Variants in ITPR2 observed in about 807,000 individuals in gnomAD.
ITPR2 encodes the protein inositol 1,4,5-trisphosphate receptor type 2.
ITPR2 carries 207 observed loss-of-function variants against 317.1 expected under a neutral mutation model. The ratio of observed to expected loss-of-function variants is 0.65; its 90% CI spans 0.58 to 0.73. The LOEUF (loss-of-function observed/expected upper bound fraction) is 0.73. ITPR2 is among the 30% of genes least tolerant of loss of function. ITPR2 has a pLI of 0.00. For synonymous variants in ITPR2, 1,156 were observed against 1,149.1 expected (o/e 1.01, Z -0.12); for missense variants, 2,613 against 3,284.0 (o/e 0.80, Z 4.99).
intron 55 of ITPR2, among the ~76,000 whole-genome samples, chr12:26,381,833 C>A (rs1465462758): frequency 6.6e-6 from 1 of 152,190 alleles, no homozygotes; most frequent in African/African-American, 2.4e-5. Flanking sequence ...GGCAGCAGCT[C>A]TCCAGACACG....
chr12:26,710,161 G>C (rs559009922), intron 9 of ITPR2, among the ~76,000 whole-genome samples: 85 of 152,180 alleles, frequency 5.6e-4, no homozygotes, highest in Middle Eastern at 3.2e-3. Context: ...TTGAACCTGG[G>C]AGGCATAGGT....
rs562513846 is a variant in ITPR2 at position 26,699,178 on chromosome 12, A to C, written c.952-3528T>G. Among the ~76,000 whole-genome samples, 39 of 152,158 alleles carry C rather than the reference A, an allele frequency of 2.6e-4. No homozygotes were observed. In the South Asian group the frequency reaches 7.9e-3, roughly 31 times the overall value. ...GGAAACCATGACATATCCCCCACTA[A>C]AACATGCACAAAAACAGGAATTAAT... On this transcript the variant is annotated intron_variant, in intron 9 of 56. Transcript: ENST00000381340.
chr12:26,553,452 T>C (rs1280925521), intron 36 of ITPR2, among the ~76,000 whole-genome samples: 3 of 152,098 alleles, frequency 2.0e-5, no homozygotes, highest in Admixed American at 2.0e-4. Context: ...AAATTTATAT[T>C]CTCCAGCTAA....
At chr12:26,578,221 G>A (rs1945320314) in intron 34 of ITPR2, among the ~76,000 whole-genome samples, 1 of 149,864 alleles carries the variant, frequency 6.7e-6, no homozygotes, top group Admixed American at 6.7e-5. Flanking sequence ...ACACAGAGAA[G>A]AATCTATGAG....
chr12:26,732,870 C>T (rs533122048), intron 2 of ITPR2, among the ~76,000 whole-genome samples: 2 of 152,314 alleles, frequency 1.3e-5, no homozygotes, highest in East Asian at 3.9e-4. Flanking sequence ...TCTGACTTCT[C>T]CACCCCAACT....
intron 1 of ITPR2, among the ~76,000 whole-genome samples, chr12:26,812,511 G>A (rs970139177): frequency 5.3e-5 from 8 of 152,194 alleles, no homozygotes; most frequent in African/African-American, 1.9e-4. Flanking sequence ...CCCGTGAGGC[G>A]GAGCTTGCAG....
rs529393119 is a variant in ITPR2 at position 26,339,096 on chromosome 12, C to T, written c.*301G>A. 7.9e-5 allele frequency: 22 copies of T among 278,814 alleles called. No homozygotes were observed. In the South Asian group the frequency reaches 1.2e-3, roughly 15 times the overall value. The allele number at this position is 278,814 out of a possible 1,614,324, so 17.3% of individuals were successfully genotyped here. A position where few individuals can be genotyped will look rare whatever the true frequency, so the allele number is the denominator to read the frequency against. ...TAGCAGAAGAGAGTTCTCCCTGCCC[C>T]GTGTCTCCTTCCATCCTGCCGCTCC... On this transcript the variant is annotated 3_prime_UTR_variant, in exon 57 of 57. Coordinates refer to ENST00000381340, the MANE Select transcript of ITPR2 (RefSeq NM_002223.4).
intron 45 of ITPR2, among the ~76,000 whole-genome samples, chr12:26,470,393 T>A (rs1435245550): frequency 1.3e-5 from 2 of 152,116 alleles, no homozygotes; most frequent in African/African-American, 4.8e-5. Context: ...TCTGAAAACA[T>A]AAAAGCCAGT....
intron 45 of ITPR2, among the ~76,000 whole-genome samples, chr12:26,449,278 T>C (rs1039088976): frequency 6.6e-6 from 1 of 152,196 alleles, no homozygotes; most frequent in East Asian, 1.9e-4. Flanking sequence ...TACAATACAA[T>C]GCCTTCATGT....
At chr12:26,700,916 T>C (rs567761800) in intron 9 of ITPR2, among the ~76,000 whole-genome samples, 3 of 152,290 alleles carry the variant, frequency 2.0e-5, no homozygotes, top group East Asian at 3.9e-4. Context: ...CTCAAGTCTT[T>C]AACTATGAAC....
intron 2 of ITPR2, among the ~76,000 whole-genome samples, chr12:26,754,574 T>C (rs1428173828): frequency 2.6e-5 from 4 of 152,230 alleles, no homozygotes; most frequent in African/African-American, 9.6e-5. Flanking sequence ...TGGTAAAAGA[T>C]TATAAGAAGC....
intron 40 of ITPR2, chr12:26,486,759 T>C: frequency 1.7e-6 from 1 of 575,296 alleles, no homozygotes; most frequent in Non-Finnish European, 3.3e-6. Flanking sequence ...TGGTAATTTC[T>C]GTTTTTAAAG....
chr12:26,782,787 TTAG>T (rs1158287874), intron 2 of ITPR2, among the ~76,000 whole-genome samples: 1 of 152,242 alleles, frequency 6.6e-6, no homozygotes, highest in Non-Finnish European at 1.5e-5. Flanking sequence ...TCAATAAATC[TTAG>T]TTGATTTCAA....
At chr12:26,524,924 C>T (rs2136947163) in intron 37 of ITPR2, among the ~76,000 whole-genome samples, 1 of 151,976 alleles carries the variant, frequency 6.6e-6, no homozygotes, top group African/African-American at 2.4e-5. Context: ...TCATGTGACT[C>T]AAAAAATTAT....
rs1335079794 is a variant in ITPR2 at position 26,600,076 on chromosome 12, C to T, written c.3712G>A (p.Ala1238Thr). The change falls in exon 29 of 57, where the codon GCC (alanine) becomes ACC (threonine). Residue 1238 changes from alanine to threonine, a missense_variant. Transcript: ENST00000381340. The stretch of plus-strand genomic sequence containing the variant: ...CAGAAATTCTGCAGAAATGTATGGG[C>T]TAGATTCATTACTTCATTCATCTTT... Reference protein sequence around the residue: ...DEKMNEVMNLAHTFLQNFCRG... With the variant: ...DEKMNEVMNLTHTFLQNFCRG... 2.5e-6 allele frequency: 4 copies of T among 1,605,636 alleles called. No individual in the cohort carries two copies. Among genetic ancestry groups the T allele is most frequent in the Non-Finnish European group, 3.4e-6 (4 of 1,172,826 alleles).
intron 2 of ITPR2, among the ~76,000 whole-genome samples, chr12:26,732,772 C>T (rs539816577): frequency 2.6e-5 from 4 of 152,110 alleles, no homozygotes; most frequent in Non-Finnish European, 5.9e-5. Flanking sequence ...AAATGCTGTT[C>T]GTAATTCTAC....
intron 11 of ITPR2, among the ~76,000 whole-genome samples, chr12:26,684,928 T>C (rs1366051928): frequency 1.3e-5 from 2 of 151,970 alleles, no homozygotes; most frequent in South Asian, 2.1e-4. Flanking sequence ...TACAGGCTTA[T>C]ATTGATGGAA....
At chr12:26,815,293 C>T (rs1216047451) in intron 1 of ITPR2, among the ~76,000 whole-genome samples, 1 of 152,114 alleles carries the variant, frequency 6.6e-6, no homozygotes, top group Admixed American at 6.5e-5. Context: ...GATTGTGCCA[C>T]TGCACTCTAG....
At position 26,831,366 on chromosome 12, in the gene ITPR2, G is replaced by C. The variant is rs1011793343; in HGVS notation, c.92+1324C>G. On this transcript the variant is annotated intron_variant, in intron 1 of 56. Transcript: ENST00000381340. This position sits in a 1 kb window ranked among gnomAD's most constrained non-coding sequence, Gnocchi z 4.9. ...CTGTGGAAGTACTGGTGACTTCCACGTCCCAGTGCTTGGTAGGCAGCAGTC... is the reference window on the plus strand; with the variant it reads ...CTGTGGAAGTACTGGTGACTTCCACCTCCCAGTGCTTGGTAGGCAGCAGTC... 1.3e-5 allele frequency among the ~76,000 whole-genome samples: 2 copies of C among 152,090 alleles called. No homozygotes were observed. The highest frequency in any genetic ancestry group is 4.8e-5 in the African/African-American group (2 of 41,402).
Sources: allele counts gnomAD v4.1 joint callset (sites outside exome capture counted in the v4.1 genomes callset), GRCh38; gene constraint gnomAD v4.1.1; non-coding constraint Gnocchi (gnomAD v3.1); transcripts MANE v1.5; gene names NCBI Gene and HGNC (gene_info 2026-07-23, HGNC 2026-07-21).